Variants in PCNX2 observed in about 807,000 individuals in gnomAD.
PCNX2 encodes pecanex-like protein 2.
PCNX2 carries 168 observed loss-of-function variants against 223.8 expected under a neutral mutation model. That is an observed-to-expected ratio of 0.75 (90% CI 0.66 to 0.85). The LOEUF (loss-of-function observed/expected upper bound fraction) is 0.85. Among genes scored for constraint, PCNX2 ranks in the 40% least tolerant of loss-of-function variants. The pLI, the probability that PCNX2 is intolerant of heterozygous loss-of-function variation, is 0.00. For synonymous variants in PCNX2, 1,006 were observed against 1,052.6 expected, an observed-to-expected ratio of 0.96 and a Z score of 0.86; for missense variants, 2,507 against 2,675.5, an observed-to-expected ratio of 0.94 and a Z score of 1.39.
intron 23 of PCNX2, among the ~76,000 whole-genome samples, chr1:233,071,339 C>T (rs999759216): frequency 9.2e-5 from 14 of 152,066 alleles, no homozygotes; most frequent in African/African-American, 3.4e-4. Flanking sequence ...CTGATAGGTC[C>T]CAGTGTGCGT....
At chr1:233,313,223 G>C in the PCNX2 span, among the ~76,000 whole-genome samples, 1 of 152,326 alleles carries the variant, frequency 6.6e-6, no homozygotes, top group African/African-American at 2.4e-5. Context: ...TTCTGGCAAT[G>C]CTCCGCTCCT....
intron 17 of PCNX2, among the ~76,000 whole-genome samples, chr1:233,168,626 T>C (rs1017175838): frequency 6.6e-6 from 1 of 152,144 alleles, no homozygotes; most frequent in Non-Finnish European, 1.5e-5. Context: ...ACTATTAGGT[T>C]GCCTTCCATT....
rs548980544 is a variant in PCNX2 at position 233,099,242 on chromosome 1, T to C, written c.3838-3379A>G. ...AGCAATAGGAAGAACCTGCCTGACA[T>C]GCAGCAGCTACAGAAAGGTCCCCTT... is the stretch of plus-strand genomic sequence containing the variant. On this transcript the variant is annotated intron_variant, in intron 21 of 33. Coordinates refer to ENST00000258229, the MANE Select transcript of PCNX2 (RefSeq NM_014801.4). Among the ~76,000 whole-genome samples the C allele has an allele frequency of 5.3e-5, 8 of 152,322 alleles. No homozygotes were observed. The East Asian group carries it at 1.3e-3, about 26-fold the overall frequency.
At chr1:233,190,219 A>C (rs565922425) in intron 15 of PCNX2, among the ~76,000 whole-genome samples, 1 of 152,310 alleles carries the variant, frequency 6.6e-6, no homozygotes, top group East Asian at 1.9e-4. Context: ...AAGGAAAAAA[A>C]AATCAATTCC....
At chr1:233,100,431 A>G (rs1674422159) in intron 21 of PCNX2, among the ~76,000 whole-genome samples, 1 of 151,752 alleles carries the variant, frequency 6.6e-6, no homozygotes, top group Non-Finnish European at 1.5e-5. Flanking sequence ...AAAAAAAAAA[A>G]AAAAAAAAGA....
intron 19 of PCNX2, among the ~76,000 whole-genome samples, chr1:233,144,963 T>TG (rs60154093): frequency 0.19 from 24,183 of 124,906 alleles, 2,102 homozygotes; most frequent in African/African-American, 0.3. Context: ...GTTTTTTTTT[T>TG]TTGTTTCTTT....
chr1:233,001,592 T>C lies in PCNX2; in HGVS notation c.5042A>G (p.Asp1681Gly). 6.4e-7 allele frequency: 1 copy of C among 1,568,456 alleles called. No homozygotes were observed. The change falls in exon 29 of 34, where the codon GAC (aspartate) becomes GGC (glycine). Residue 1681 changes from aspartate to glycine, a missense_variant. Physicochemically the swap from Asp to Gly is moderately conservative, Grantham distance 94. Transcript: ENST00000258229. The surrounding 1 kb of genome is among the most constrained non-coding windows in gnomAD (Gnocchi z 4.2). The part of the protein sequence containing the change: ...ARDEWVFADM[D>G]LLHKVVAPAI... ...TGGAGCTACAACTTTATGCAGTAGG[T>C]CCATGTCAGCAAATACCCACTCGTC...
At chr1:233,168,645 T>C (rs992017428) in intron 17 of PCNX2, among the ~76,000 whole-genome samples, 4 of 152,130 alleles carry the variant, frequency 2.6e-5, no homozygotes, top group Non-Finnish European at 4.4e-5. Context: ...TTGTTTACCA[T>C]GATGAATTAT....
intron 27 of PCNX2, among the ~76,000 whole-genome samples, chr1:233,016,023 A>G (rs1371118625): frequency 6.6e-6 from 1 of 152,234 alleles, no homozygotes; most frequent in East Asian, 1.9e-4. Context: ...TCATGGAGCT[A>G]CAGCCGACAA....
intron 9 of PCNX2, among the ~76,000 whole-genome samples, chr1:233,234,236 A>C (rs1473357963): frequency 1.3e-5 from 2 of 152,222 alleles, no homozygotes; most frequent in Non-Finnish European, 2.9e-5. Flanking sequence ...TTTGTGGCTG[A>C]AACGTAATTT....
intron 28 of PCNX2, among the ~76,000 whole-genome samples, chr1:233,011,286 AAAG>A (rs1157357792): frequency 6.6e-6 from 1 of 152,224 alleles, no homozygotes; most frequent in Non-Finnish European, 1.5e-5. Context: ...TTAATATATT[AAAG>A]AAGAAGAATA....
intron 1 of PCNX2, among the ~76,000 whole-genome samples, chr1:233,266,156 C>CA (rs1169807536): frequency 6.6e-6 from 1 of 152,164 alleles, no homozygotes; most frequent in Non-Finnish European, 1.5e-5. Context: ...GGTTTTACAG[C>CA]ATGCTATGCA....
chr1:233,213,922 G>A (rs900552871), intron 12 of PCNX2, among the ~76,000 whole-genome samples: 29 of 144,970 alleles, frequency 2.0e-4, no homozygotes, highest in African/African-American at 7.2e-4. Flanking sequence ...TTTGCCACCC[G>A]GGTTCAAGCG....
At position 233,258,561 on chromosome 1, in the gene PCNX2, T is replaced by C. The variant is rs1659862548; in HGVS notation, c.1301A>G (p.Asp434Gly). ...EQISIPVITL[D>G]LPEGGGGGVP... ...ACCTCCTCCCCCACCCTCAGGCAGG[T>C]CCAGGGTGATTACAGGAATTGAGAT... is the stretch of plus-strand genomic sequence containing the variant. The change falls in exon 5 of 34, where the codon GAC becomes GGC. Residue 434 changes from aspartate to glycine, a missense_variant. By Grantham distance (94) the Asp-to-Gly change is moderately conservative. Around this residue, in one of 3 missense-constraint regions of PCNX2, gnomAD observed 1,031 missense variants for 1,021.7 expected, o/e 1.01. Coordinates refer to ENST00000258229, the MANE Select transcript of PCNX2 (RefSeq NM_014801.4). 1 of 1,613,858 alleles carries C rather than the reference T, an allele frequency of 6.2e-7. No individual in the cohort carries two copies. Among genetic ancestry groups the C allele is most frequent in the Non-Finnish European group, 8.5e-7 (1 of 1,179,866 alleles).
Position 233,092,937 on chromosome 1 carries a change from C to CT in PCNX2, c.3947-2748_3947-2747insA, listed in dbSNP as rs879553283. 8.6e-4 allele frequency among the ~76,000 whole-genome samples: 131 copies of CT among 152,204 alleles called. 1 individual carries two copies. The highest frequency in any genetic ancestry group is 1.4e-3 in the Admixed American group (21 of 15,292). On this transcript the variant is annotated intron_variant, in intron 22 of 33. Transcript: ENST00000258229. ...CCTCAGCCTCCCCAGTAGCTGGGTA[C>CT]ACAGGCGCCCACTACCATGCCCGGC... is the stretch of plus-strand genomic sequence containing the variant.
rs1229304979 is a variant in PCNX2 at position 233,198,885 on chromosome 1, ATAAGT to A, written c.3066+49_3066+53del. The A allele has an allele frequency of 2.8e-6, 4 of 1,446,480 alleles. No individual in the cohort carries two copies. In the African/African-American group the frequency reaches 4.2e-5, roughly 15 times the overall value. 89.6% of individuals were successfully genotyped at this position (1,446,480 alleles called of 1,614,324 possible). A position where few individuals can be genotyped will look rare whatever the true frequency, so the allele number is the denominator to read the frequency against. ...AAAAAACATTCATTTGTTTAAAAAA[ATAAGT>A]TAATTTAATGAATCGAGAAGGATGA... On this transcript the variant is annotated intron_variant, in intron 15 of 33. Transcript: ENST00000258229.
chr1:233,052,053 T>C lies in PCNX2; in HGVS notation c.4351+2215A>G, dbSNP rs1052689160. Among the ~76,000 whole-genome samples the C allele has an allele frequency of 4.6e-5, 7 of 152,298 alleles. No homozygotes were observed. In the South Asian group the frequency reaches 1.5e-3, roughly 32 times the overall value. On this transcript the variant is annotated intron_variant, in intron 25 of 33. Transcript: ENST00000258229. ...AATTATCCCTTCTGTGATTACTCTA[T>C]AGAGTTTTATCACTAGTTCCCTGTT...
At chr1:233,012,256 C>G (rs1427745898) in intron 28 of PCNX2, among the ~76,000 whole-genome samples, 2 of 152,094 alleles carry the variant, frequency 1.3e-5, no homozygotes, top group Non-Finnish European at 2.9e-5. Context: ...TTATGGCACC[C>G]TAGCAGATTC....
chr1:233,014,893 C>A, intron 27 of PCNX2, 116 bp from the exon 28 acceptor site: 1 of 667,566 alleles, frequency 1.5e-6, no homozygotes, highest in East Asian at 2.9e-5. Flanking sequence ...CATCCAGTCC[C>A]CTCTAAGATG....
Sources: gnomAD v4.1 joint callset for allele counts (sites outside exome capture counted in the v4.1 genomes callset) on GRCh38, gnomAD v4.1.1 for gene constraint, gnomAD v4.1.1 regional missense constraint, Gnocchi (gnomAD v3.1) non-coding constraint, MANE v1.5 for transcripts, NCBI Gene and HGNC (gene_info 2026-07-23, HGNC 2026-07-21) for gene names.